CUX2: variants seen among roughly 807,000 people sequenced by gnomAD.
The protein encoded by CUX2 is cut like homeobox 2.
CUX2 carries 40 observed loss-of-function variants against 144.8 expected under a neutral mutation model. The ratio of observed to expected loss-of-function variants is 0.28; its 90% confidence interval spans 0.21 to 0.36. The LOEUF is 0.36. Ranked by LOEUF, CUX2 falls within the 10% of genes least tolerant of loss-of-function variation. The pLI is 1.00. For missense variants in CUX2, 1,615 were observed against 1,994.0 expected, an observed-to-expected ratio of 0.81 and a Z score of 3.62; for synonymous variants, 827 against 875.6, an observed-to-expected ratio of 0.94 and a Z score of 0.98.
At chr12:111,108,082 C>T (rs1471449920) in intron 1 of CUX2, among the ~76,000 whole-genome samples, 3 of 152,182 alleles carry the variant, frequency 2.0e-5, no homozygotes, top group African/African-American at 7.2e-5. Flanking sequence ...CTTCAGTCTT[C>T]TTTTGTCTTT....
chr12:111,126,047 G>C (rs561319664), intron 1 of CUX2, among the ~76,000 whole-genome samples: 21 of 148,634 alleles, frequency 1.4e-4, no homozygotes, highest in South Asian at 6.3e-4. Flanking sequence ...GGTGGCGTGG[G>C]GGGGGCGGAT....
chr12:111,337,644 G>A (rs536724514), intron 19 of CUX2, among the ~76,000 whole-genome samples: 9 of 152,352 alleles, frequency 5.9e-5, no homozygotes, highest in African/African-American at 2.2e-4. Flanking sequence ...GATGGAATCT[G>A]TCAAATTATC....
chr12:111,175,027 C>A lies in CUX2; in HGVS notation c.64-39173C>A, dbSNP rs965552040. Among the ~76,000 whole-genome samples, 7 of 152,278 alleles carry A rather than the reference C, an allele frequency of 4.6e-5. No individual in the cohort carries two copies. The South Asian group carries it at 6.2e-4, about 14-fold the overall frequency. ...AATTGTCTCTGGAAGCAGCTCCCCC[C>A]CACACACAGAAGAGGGGGCCGTACA... On this transcript the variant is annotated intron_variant, in intron 1 of 21. Transcript: ENST00000261726.
chr12:111,191,341 ATTTATTTT>A (rs1326014379), intron 1 of CUX2, among the ~76,000 whole-genome samples: 4 of 128,590 alleles, frequency 3.1e-5, no homozygotes, highest in African/African-American at 1.3e-4. Context: ...TTATTTATTT[ATTTATTTT>A]GAGACAGAGT....
intron 1 of CUX2, among the ~76,000 whole-genome samples, chr12:111,098,937 A>G (rs1873013503): frequency 6.6e-6 from 1 of 152,200 alleles, no homozygotes; most frequent in Non-Finnish European, 1.5e-5. Context: ...GAGCCCCCAG[A>G]CAGGAACGGC....
chr12:111,268,459 G>A (rs773387470), intron 4 of CUX2, among the ~76,000 whole-genome samples: 3 of 152,196 alleles, frequency 2.0e-5, no homozygotes, highest in African/African-American at 4.8e-5. Context: ...CTTTTGGGGC[G>A]GACGTTCAGC....
chr12:111,139,136 G>A (rs961389605), intron 1 of CUX2, among the ~76,000 whole-genome samples: 5 of 152,060 alleles, frequency 3.3e-5, no homozygotes, highest in South Asian at 2.1e-4. Flanking sequence ...CAGGGACTTC[G>A]TGGGGGGCAT....
chr12:111,214,258 C>T lies in CUX2; in HGVS notation c.122C>T (p.Ser41Phe). Residue 41 changes from serine to phenylalanine, a missense_variant, in exon 2 of 22, where the codon TCT becomes TTT. Ser to Phe is a radical substitution (Grantham distance 155). Transcript: ENST00000261726. ...GCACGGCAGGAGGAGAGTGAACATTCTCATAAACATTTAATTGAACTCCGC... is the reference window on the plus strand; with the variant it reads ...GCACGGCAGGAGGAGAGTGAACATTTTCATAAACATTTAATTGAACTCCGC... ...LSARQEESEHSHKHLIELRRE... is the reference protein window; with the variant it reads ...LSARQEESEHFHKHLIELRRE... The T allele has an allele frequency of 6.2e-7, 1 of 1,606,266 alleles. No homozygotes were observed. Among genetic ancestry groups the T allele is most frequent in the Non-Finnish European group, 8.5e-7 (1 of 1,177,622 alleles).
chr12:111,141,390 T>C (rs11065817), intron 1 of CUX2, among the ~76,000 whole-genome samples: 16,824 of 152,172 alleles, frequency 0.11, 3,156 homozygotes, highest in African/African-American at 0.38. Flanking sequence ...TCAGTTTCCC[T>C]ACCTGTAAAA....
chr12:111,221,016 A>G (rs1180720565), intron 3 of CUX2, among the ~76,000 whole-genome samples: 1 of 151,616 alleles, frequency 6.6e-6, no homozygotes, highest in Non-Finnish European at 1.5e-5. Context: ...GGTCTGGCAC[A>G]CCGTTGGTGC....
chr12:111,112,107 A>G (rs1346404146), intron 1 of CUX2, among the ~76,000 whole-genome samples: 1 of 152,134 alleles, frequency 6.6e-6, no homozygotes, highest in Admixed American at 6.5e-5. Flanking sequence ...TGGGTGAGGG[A>G]TCGAGGTCTG....
intron 1 of CUX2, among the ~76,000 whole-genome samples, chr12:111,167,621 G>A (rs776203877): frequency 1.3e-5 from 2 of 152,166 alleles, no homozygotes; most frequent in Non-Finnish European, 2.9e-5. Flanking sequence ...AGTTTTTTCT[G>A]TTCCTATCTC....
chr12:111,135,591 C>T (rs940832764), intron 1 of CUX2, among the ~76,000 whole-genome samples: 3 of 152,208 alleles, frequency 2.0e-5, no homozygotes, highest in South Asian at 2.1e-4. Flanking sequence ...GCATGTGCAT[C>T]GCTCATGAAT....
chr12:111,250,521 G>T (rs1883512732), intron 3 of CUX2, among the ~76,000 whole-genome samples: 1 of 152,214 alleles, frequency 6.6e-6, no homozygotes, highest in Non-Finnish European at 1.5e-5. Flanking sequence ...AAATTGGAAG[G>T]TATTATGATT....
intron 1 of CUX2, among the ~76,000 whole-genome samples, chr12:111,182,195 G>A (rs750294817): frequency 6.6e-6 from 1 of 152,148 alleles, no homozygotes; most frequent in Non-Finnish European, 1.5e-5. Flanking sequence ...CATAGAGCAG[G>A]ACCTAACTAG....
At chr12:111,125,797 C>A (rs1041154585) in intron 1 of CUX2, among the ~76,000 whole-genome samples, 59 of 152,238 alleles carry the variant, frequency 3.9e-4, no homozygotes, top group Admixed American at 3.8e-3. Flanking sequence ...GGCACCCAGG[C>A]AAATGGCTCT....
Position 111,160,714 on chromosome 12 carries a change from T to TG in CUX2, c.64-53480dup, listed in dbSNP as rs992551762. Reference sequence around the variant, plus strand: ...AGGGGATTCCTCTGGAACAGCACCGTGGGGGGCAGGCGGTGGCCTGGAGGA... The same window carrying TG: ...AGGGGATTCCTCTGGAACAGCACCGTGGGGGGGCAGGCGGTGGCCTGGAGGA... On this transcript the variant is annotated intron_variant, in intron 1 of 21. Coordinates refer to ENST00000261726, the MANE Select transcript of CUX2 (RefSeq NM_015267.4). This position sits in a 1 kb window ranked among gnomAD's most constrained non-coding sequence, Gnocchi z 4.1. Among the ~76,000 whole-genome samples, 28 of 151,802 alleles carry TG rather than the reference T, an allele frequency of 1.8e-4. No homozygotes were observed. Among genetic ancestry groups the TG allele is most frequent in the African/African-American group, 6.0e-4 (25 of 41,348 alleles).
At chr12:111,136,732 C>G (rs1875910734) in intron 1 of CUX2, among the ~76,000 whole-genome samples, 1 of 152,158 alleles carries the variant, frequency 6.6e-6, no homozygotes, top group Admixed American at 6.5e-5. Flanking sequence ...AAGTAAGTGG[C>G]CAGCCAAGGT....
chr12:111,133,239 C>T (rs1057292639), intron 1 of CUX2, among the ~76,000 whole-genome samples: 4 of 152,280 alleles, frequency 2.6e-5, no homozygotes, highest in African/African-American at 4.8e-5. Context: ...GTTCTAAAGT[C>T]GCTTCCACAT....
Sources: gnomAD v4.1 joint callset for allele counts (sites outside exome capture counted in the v4.1 genomes callset) on GRCh38, gnomAD v4.1.1 for gene constraint, Gnocchi (gnomAD v3.1) non-coding constraint, MANE v1.5 for transcripts, NCBI Gene and HGNC (gene_info 2026-07-23, HGNC 2026-07-21) for gene names.